FILIP1: variants seen among roughly 807,000 people sequenced by gnomAD.
FILIP1 encodes filamin-A-interacting protein 1.
FILIP1 carries 61 observed loss-of-function variants against 102.1 expected under a neutral mutation model. The observed-to-expected ratio is 0.60, with a 90% CI of 0.49 to 0.74. The LOEUF is 0.74. Among genes scored for constraint, FILIP1 ranks in the 30% least tolerant of loss-of-function variants. The probability of loss-of-function intolerance (pLI) is 0.00; values close to 1 mark genes in which losing one functional copy is unlikely to be tolerated. For missense variants in FILIP1, 1,314 were observed against 1,441.2 expected, an observed-to-expected ratio of 0.91 and a Z score of 1.43; for synonymous variants, 491 against 526.9, an observed-to-expected ratio of 0.93 and a Z score of 0.93.
rs774531931 is a variant in FILIP1 at position 75,312,352 on chromosome 6, C to T, written c.3435+45G>A. 4 of 1,568,598 alleles carry T rather than the reference C, an allele frequency of 2.6e-6. No individual in the cohort carries two copies. The East Asian group carries it at 9.0e-5, about 35-fold the overall frequency. ...TGCTGGGTAGTCTCACTACTCACGT[C>T]TCCCTCCCTCTGCAGGCCTGCGCTT... On this transcript the variant is annotated intron_variant, in intron 5 of 5. Coordinates refer to ENST00000237172, the MANE Select transcript of FILIP1 (RefSeq NM_015687.5).
intron 2 of FILIP1, among the ~76,000 whole-genome samples, chr6:75,381,677 C>T (rs1775909740): frequency 6.6e-6 from 1 of 152,132 alleles, no homozygotes; most frequent in African/African-American, 2.4e-5. Flanking sequence ...GACATTTGTT[C>T]TAGCTAATAT....
At chr6:75,292,310 T>A (rs895024186) in exon 7 of FILIP1, 1 of 152,198 alleles carries the variant, frequency 6.6e-6, no homozygotes, top group Non-Finnish European at 1.5e-5. Flanking sequence ...ATAAATATAG[T>A]TCTGCATTAT....
intron 2 of FILIP1, among the ~76,000 whole-genome samples, chr6:75,412,184 A>G (rs568530900): frequency 6.6e-5 from 10 of 152,246 alleles, no homozygotes; most frequent in Non-Finnish European, 1.2e-4. Flanking sequence ...AGCAATTGTG[A>G]ATGGGAGTTT....
intron 5 of FILIP1, among the ~76,000 whole-genome samples, chr6:75,311,909 T>C (rs1445080287): frequency 1.3e-5 from 2 of 150,586 alleles, no homozygotes; most frequent in East Asian, 3.9e-4. Context: ...TTTAAAAAAG[T>C]TTTTGATATT....
chr6:75,439,259 G>A lies in FILIP1; in HGVS notation c.-6-24281C>T, dbSNP rs1027132331. 5.6e-4 allele frequency among the ~76,000 whole-genome samples: 86 copies of A among 152,248 alleles called. 3 individuals carry two copies. The highest frequency in any genetic ancestry group is 1.9e-4 in the East Asian group (1 of 5,186). Reference sequence around the variant, plus strand: ...CATGCGCCTGTAGTCCCAGCTACTCGGGAGGCTGAGGCAGGAGAATCACTT... The same window carrying A: ...CATGCGCCTGTAGTCCCAGCTACTCAGGAGGCTGAGGCAGGAGAATCACTT... On this transcript the variant is annotated intron_variant, in intron 1 of 5. Transcript: ENST00000237172.
intron 2 of FILIP1, among the ~76,000 whole-genome samples, chr6:75,387,410 A>G (rs1268031410): frequency 1.3e-5 from 2 of 152,166 alleles, no homozygotes; most frequent in Non-Finnish European, 2.9e-5. Flanking sequence ...ACACCCAGTA[A>G]TGGCATTGCT....
chr6:75,410,261 G>A (rs1005780377), intron 2 of FILIP1, among the ~76,000 whole-genome samples: 5 of 152,028 alleles, frequency 3.3e-5, no homozygotes, highest in Admixed American at 2.0e-4. Context: ...ATGACACATA[G>A]GTCTAAGCTG....
At chr6:75,348,082 C>A (rs149813863) in intron 4 of FILIP1, among the ~76,000 whole-genome samples, 1 of 151,840 alleles carries the variant, frequency 6.6e-6, no homozygotes, top group Non-Finnish European at 1.5e-5. Flanking sequence ...CACACACACA[C>A]ACACATACAC....
chr6:75,409,914 C>T (rs922701916), intron 2 of FILIP1, among the ~76,000 whole-genome samples: 8 of 152,096 alleles, frequency 5.3e-5, no homozygotes, highest in Admixed American at 2.6e-4. Context: ...CCCAACCAAT[C>T]AGCAGCACCT....
At position 75,312,460 on chromosome 6, in the gene FILIP1, T is replaced by C; in HGVS notation, c.3372A>G (p.Lys1124=). 6.2e-7 allele frequency: 1 copy of C among 1,614,138 alleles called. No homozygotes were observed. The highest frequency in any genetic ancestry group is 8.5e-7 in the Non-Finnish European group (1 of 1,180,028). Residue 1124 remains lysine, a synonymous_variant, in exon 5 of 6, where the codon AAA becomes AAG. Coordinates refer to ENST00000237172, the MANE Select transcript of FILIP1 (RefSeq NM_015687.5). The stretch of plus-strand genomic sequence containing the variant: ...GTGTTATGGTGATAGTGCTCGTCAC[T>C]TTGCTTGCACCAGGCCGTGAGGAGA... The part of the protein sequence containing the change: ...NHLSSRPGAS[K]VTSTITITPV...
In FILIP1 at chr6:75,312,425, G is replaced by A. The variant is rs772482521; in HGVS notation, c.3407C>T (p.Thr1136Met). The change falls in exon 5 of 6, where the codon ACG (threonine) becomes ATG (methionine). Residue 1136 changes from threonine to methionine, a missense_variant. By Grantham distance (81) the Thr-to-Met change is moderately conservative (BLOSUM62 -1). This residue lies in a region of FILIP1 where 816 missense variants were observed against 913.1 expected (regional missense o/e 0.89). Coordinates refer to ENST00000237172, the MANE Select transcript of FILIP1 (RefSeq NM_015687.5). Reference sequence around the variant, plus strand: ...TGACTGGGTTCCTCGAGCAGATGACGTTGTGACCGGTGTTATGGTGATAGT... The same window carrying A: ...TGACTGGGTTCCTCGAGCAGATGACATTGTGACCGGTGTTATGGTGATAGT... ...TSTITITPVT[T>M]SSARGTQSVS... 13 of 1,614,064 alleles carry A rather than the reference G, an allele frequency of 8.1e-6. No individual in the cohort carries two copies. The highest frequency in any genetic ancestry group is 6.6e-5 in the South Asian group (6 of 91,072).
At chr6:75,293,983 G>T (rs994548954) in exon 7 of FILIP1, 1 of 152,120 alleles carries the variant, frequency 6.6e-6, no homozygotes, top group Non-Finnish European at 1.5e-5. Flanking sequence ...CCAAAATTCT[G>T]GAAGTTTATG....
chr6:75,472,875 A>C (rs865985574), intron 1 of FILIP1, among the ~76,000 whole-genome samples: 1 of 152,202 alleles, frequency 6.6e-6, no homozygotes, highest in Non-Finnish European at 1.5e-5. Flanking sequence ...AGTATGTCCT[A>C]AATATTACGT....
chr6:75,468,121 C>A (rs1042651744), intron 1 of FILIP1, among the ~76,000 whole-genome samples: 9 of 152,162 alleles, frequency 5.9e-5, no homozygotes, highest in African/African-American at 2.2e-4. Context: ...ACGCCAGGGG[C>A]ATCCTCATCC....
Position 75,312,348 on chromosome 6 carries a change from A to G in FILIP1, c.3435+49T>C, listed in dbSNP as rs148895165. The G allele has an allele frequency of 2.6e-4, 403 of 1,558,642 alleles. 3 individuals carry two copies. The East Asian group carries it at 6.9e-3, about 27-fold the overall frequency. On this transcript the variant is annotated intron_variant, in intron 5 of 5. Transcript: ENST00000237172. Reference sequence around the variant, plus strand: ...TGGGTGCTGGGTAGTCTCACTACTCACGTCTCCCTCCCTCTGCAGGCCTGC... The same window carrying G: ...TGGGTGCTGGGTAGTCTCACTACTCGCGTCTCCCTCCCTCTGCAGGCCTGC...
intron 3 of FILIP1, among the ~76,000 whole-genome samples, chr6:75,359,288 G>A (rs141445900): frequency 4.6e-5 from 7 of 152,284 alleles, no homozygotes; most frequent in African/African-American, 1.4e-4. Context: ...TTACAGGCAT[G>A]AGCCACCGCG....
intron 4 of FILIP1, among the ~76,000 whole-genome samples, chr6:75,328,781 C>T (rs1254308139): frequency 1.3e-5 from 2 of 152,178 alleles, no homozygotes; most frequent in African/African-American, 4.8e-5. Flanking sequence ...AGCCACCGTG[C>T]CCAGCTAATA....
chr6:75,414,243 T>G (rs923320882), intron 2 of FILIP1, among the ~76,000 whole-genome samples: 1 of 151,724 alleles, frequency 6.6e-6, no homozygotes, highest in East Asian at 1.9e-4. Context: ...TAAGGCTGGT[T>G]TCAACAAAGC....
intron 4 of FILIP1, chr6:75,319,559 G>A (rs1241812970): frequency 9.4e-6 from 5 of 533,842 alleles, no homozygotes; most frequent in South Asian, 4.4e-5. Flanking sequence ...GGCCGGGCCC[G>A]GTGGCTCACG....
Sources: gnomAD v4.1 joint callset for allele counts (sites outside exome capture counted in the v4.1 genomes callset) on GRCh38, gnomAD v4.1.1 for gene constraint, gnomAD v4.1.1 regional missense constraint, MANE v1.5 for transcripts, NCBI Gene and HGNC (gene_info 2026-07-23, HGNC 2026-07-21) for gene names.